The following BIRC6 variants were observed in gnomAD, a reference collection of about 807,000 sequenced individuals.
BIRC6 encodes the protein dual E2 ubiquitin-conjugating enzyme/E3 ubiquitin-protein ligase BIRC6.
A neutral mutation model predicts 503.3 loss-of-function variants in BIRC6; 98 were observed. The ratio of observed to expected loss-of-function variants is 0.19; its 90% CI spans 0.17 to 0.23. The LOEUF is 0.23. Ranked by LOEUF, BIRC6 falls within the 10% of genes least tolerant of loss-of-function variation. BIRC6 has a pLI of 1.00. For synonymous variants in BIRC6, 2,240 were observed against 2,078.7 expected (o/e 1.08, Z -2.11); for missense variants, 5,360 against 5,806.0 (o/e 0.92, Z 2.50).
intron 65 of BIRC6, among the ~76,000 whole-genome samples, chr2:32,552,731 A>G (rs972341974): frequency 2.6e-5 from 4 of 152,130 alleles, no homozygotes; most frequent in Admixed American, 2.6e-4. Flanking sequence ...TGAGAGGTGG[A>G]GGTTGCAGTA....
At chr2:32,418,453 G>C (rs2042605873) in intron 10 of BIRC6, among the ~76,000 whole-genome samples, 1 of 152,170 alleles carries the variant, frequency 6.6e-6, no homozygotes, top group Non-Finnish European at 1.5e-5. Flanking sequence ...TCAAACCTGG[G>C]AGTCTTCCAT....
At chr2:32,381,699 C>T (rs1472496609) in intron 3 of BIRC6, among the ~76,000 whole-genome samples, 5 of 152,094 alleles carry the variant, frequency 3.3e-5, no homozygotes, top group Non-Finnish European at 5.9e-5. Context: ...GCACACGCCA[C>T]CATGCCTGGC....
At chr2:32,529,359 G>C in intron 59 of BIRC6, 1 of 265,870 alleles carries the variant, frequency 3.8e-6, no homozygotes, top group Non-Finnish European at 7.1e-6. Flanking sequence ...TTTATTAGCT[G>C]TCCTTTTATA....
chr2:32,571,378 CTTTTTTTTTTT>C (rs61599835), intron 65 of BIRC6, among the ~76,000 whole-genome samples: 10 of 20,306 alleles, frequency 4.9e-4, no homozygotes, highest in African/African-American at 1.1e-3. Context: ...TGGTCCTGGG[CTTTTTTTTTTT>C]TTTTTTTTTT....
chr2:32,439,542 C>G lies in BIRC6; in HGVS notation c.3666C>G (p.Ile1222Met), dbSNP rs750550683. 3 of 1,613,574 alleles carry G rather than the reference C, an allele frequency of 1.9e-6. No individual in the cohort carries two copies. Among genetic ancestry groups the G allele is most frequent in the Non-Finnish European group, 2.5e-6 (3 of 1,179,720 alleles). ...MAGGKYRSFL[I>M]HVKAVNERGT... ...GAGGAAAATATCGTTCGTTTTTAAT[C>G]CATGTCAAGGCAGTGAATGAAAGAG... Residue 1222 changes from isoleucine (I) to methionine (M), a missense_variant, in exon 16 of 74, where the codon ATC (isoleucine) becomes ATG (methionine). Physicochemically the swap from Ile to Met is conservative, Grantham distance 10 (BLOSUM62 1). Transcript: ENST00000421745.
intron 32 of BIRC6, chr2:32,472,893 C>T (rs1390102819): frequency 2.7e-6 from 1 of 371,314 alleles, no homozygotes; most frequent in African/African-American, 2.1e-5. Context: ...AGAGGGAACT[C>T]TGGTTTTAAA....
At chr2:32,559,135 A>T (rs984733284) in intron 65 of BIRC6, among the ~76,000 whole-genome samples, 2 of 152,182 alleles carry the variant, frequency 1.3e-5, no homozygotes, top group African/African-American at 4.8e-5. Flanking sequence ...AATGAAAAAA[A>T]TTGTTTATTG....
intron 20 of BIRC6, among the ~76,000 whole-genome samples, chr2:32,444,575 A>G (rs778055517): frequency 1.3e-5 from 2 of 152,034 alleles, no homozygotes; most frequent in Admixed American, 6.6e-5. Flanking sequence ...ATTTTTCACA[A>G]TCTGTTTTAT....
At chr2:32,413,700 G>GA (rs1319844027) in intron 9 of BIRC6, among the ~76,000 whole-genome samples, 4,869 of 100,104 alleles carry the variant, frequency 0.049, 190 homozygotes, top group African/African-American at 0.13. Flanking sequence ...TATGTCTTAA[G>GA]AAAAAAAAAA....
intron 8 of BIRC6, among the ~76,000 whole-genome samples, chr2:32,404,356 C>T (rs1239426335): frequency 5.3e-5 from 8 of 151,680 alleles, no homozygotes; most frequent in Non-Finnish European, 8.8e-5. Flanking sequence ...CTTGCTCTGT[C>T]GCCCATGCTG....
chr2:32,476,265 A>G lies in BIRC6; in HGVS notation c.6773A>G (p.Lys2258Arg), dbSNP rs1371658270. The G allele has an allele frequency of 1.3e-6, 2 of 1,556,778 alleles. No homozygotes were observed. The highest frequency in any genetic ancestry group is 1.9e-5 in the Admixed American group (1 of 51,574). Reference sequence around the variant, plus strand: ...AAGGCATTGGTAGAACAGATGGAAAAAGAAAAAATACAAAGTAACAAAGGA... The same window carrying G: ...AAGGCATTGGTAGAACAGATGGAAAGAGAAAAAATACAAAGTAACAAAGGA... ...KQKALVEQME[K>R]EKIQSNKGSS... is the part of the protein sequence containing the mutation. The change falls in exon 34 of 74, where the codon AAA becomes AGA. Residue 2258 changes from lysine (K) to arginine (R), a missense_variant. Around this residue, in one of 16 missense-constraint regions of BIRC6, gnomAD observed 2,299 missense variants for 2,267.2 expected, o/e 1.01. Coordinates refer to ENST00000421745, the MANE Select transcript of BIRC6 (RefSeq NM_016252.4).
At chr2:32,509,613 A>C in intron 51 of BIRC6, 125 bp from the exon 52 acceptor site, 2 of 1,097,982 alleles carry the variant, frequency 1.8e-6, no homozygotes, top group Non-Finnish European at 2.6e-6. Flanking sequence ...ATTCTAAAAA[A>C]ACATGTCTTA....
intron 65 of BIRC6, among the ~76,000 whole-genome samples, chr2:32,559,704 G>T (rs1559052024): frequency 6.6e-6 from 1 of 150,734 alleles, no homozygotes; most frequent in African/African-American, 2.4e-5. Flanking sequence ...TTGGTTGGGG[G>T]GGTCTTCAAA....
At chr2:32,509,389 G>C (rs2054154119) in intron 51 of BIRC6, among the ~76,000 whole-genome samples, 1 of 151,952 alleles carries the variant, frequency 6.6e-6, no homozygotes, top group Admixed American at 6.5e-5. Flanking sequence ...CAAGTAGCTG[G>C]GATTACAGGC....
chr2:32,482,830 G>C (rs890767493), intron 39 of BIRC6, among the ~76,000 whole-genome samples: 12 of 151,904 alleles, frequency 7.9e-5, no homozygotes, highest in African/African-American at 2.4e-4. Flanking sequence ...TTAATGAACT[G>C]TGCTGTATTT....
intron 66 of BIRC6, among the ~76,000 whole-genome samples, chr2:32,577,232 G>C (rs1470691191): frequency 6.6e-6 from 1 of 152,068 alleles, no homozygotes; most frequent in African/African-American, 2.4e-5. Context: ...ATATCAATAT[G>C]TATAATATAT....
At chr2:32,597,718 A>C in intron 68 of BIRC6, 33 bp from the exon 69 acceptor site, 13 of 1,504,562 alleles carry the variant, frequency 8.6e-6, no homozygotes, top group Non-Finnish European at 1.1e-5. Flanking sequence ...AATTTTTTGC[A>C]GTTCTGGGTT....
chr2:32,520,216 C>T (rs2055501372), intron 57 of BIRC6, among the ~76,000 whole-genome samples: 1 of 152,252 alleles, frequency 6.6e-6, no homozygotes, highest in Non-Finnish European at 1.5e-5. Context: ...GGAGTTGTTA[C>T]CACACATAGA....
chr2:32,443,780 G>C (rs1301143787), intron 20 of BIRC6, among the ~76,000 whole-genome samples, 192 bp downstream of exon 20: 2 of 152,160 alleles, frequency 1.3e-5, no homozygotes, highest in Non-Finnish European at 2.9e-5. Context: ...CCAAGGAAAA[G>C]GTTCATGGAG....
Sources: gnomAD v4.1 joint callset for allele counts (sites outside exome capture counted in the v4.1 genomes callset) on GRCh38, gnomAD v4.1.1 for gene constraint, gnomAD v4.1.1 regional missense constraint, MANE v1.5 for transcripts, NCBI Gene and HGNC (gene_info 2026-07-23, HGNC 2026-07-21) for gene names.